Variants in UPP2 observed in about 807,000 individuals in gnomAD.
UPP2 encodes the protein uridine phosphorylase 2.
UPP2 carries 23 observed loss-of-function variants against 26.7 expected under a neutral mutation model. The observed-to-expected ratio is 0.86, with a 90% CI of 0.62 to 1.22. The LOEUF (loss-of-function observed/expected upper bound fraction) is 1.22. UPP2 is among the 50% of genes most tolerant of loss of function. The pLI, the probability that UPP2 is intolerant of heterozygous loss-of-function variation, is 0.00. For missense variants in UPP2, 387 were observed against 396.7 expected, an observed-to-expected ratio of 0.98 and a Z score of 0.21; for synonymous variants, 127 against 141.3, an observed-to-expected ratio of 0.90 and a Z score of 0.72.
intron 3 of UPP2, among the ~76,000 whole-genome samples, chr2:158,059,892 C>A (rs1324464296): frequency 6.6e-6 from 1 of 152,108 alleles, no homozygotes; most frequent in Non-Finnish European, 1.5e-5. Context: ...TTGGTCTTCA[C>A]CACTCATCAA....
intron 2 of UPP2, among the ~76,000 whole-genome samples, chr2:158,011,527 C>A (rs1683579189): frequency 2.6e-5 from 4 of 152,148 alleles, no homozygotes; most frequent in Admixed American, 2.0e-4. Context: ...GGCCACATGA[C>A]CACCCTTTGA....
intron 2 of UPP2, among the ~76,000 whole-genome samples, chr2:157,996,436 T>C (rs1227276327): frequency 6.6e-6 from 1 of 152,220 alleles, no homozygotes; most frequent in African/African-American, 2.4e-5. Flanking sequence ...ATGGCTTTTT[T>C]CCAATCTGAA....
At chr2:158,055,414 C>A (rs1188488771) in intron 3 of UPP2, among the ~76,000 whole-genome samples, 1 of 152,200 alleles carries the variant, frequency 6.6e-6, no homozygotes, top group African/African-American at 2.4e-5. Context: ...TAAGTTTCAA[C>A]CTGAATTTTG....
chr2:158,031,977 C>G (rs988630339), intron 3 of UPP2, among the ~76,000 whole-genome samples: 2 of 152,182 alleles, frequency 1.3e-5, no homozygotes, highest in Non-Finnish European at 2.9e-5. Flanking sequence ...CTTCATACAG[C>G]TGAATATTGT....
intron 3 of UPP2, among the ~76,000 whole-genome samples, chr2:158,115,855 C>G (rs761735358): frequency 6.6e-6 from 1 of 152,212 alleles, no homozygotes; most frequent in Non-Finnish European, 1.5e-5. Flanking sequence ...GGCGTATGTG[C>G]ATAGGCATCC....
intron 3 of UPP2, among the ~76,000 whole-genome samples, chr2:158,038,013 A>T (rs561253234): frequency 3.3e-5 from 5 of 152,280 alleles, no homozygotes; most frequent in Admixed American, 3.3e-4. Context: ...TGTATCCTCA[A>T]TGGGTAGAAG....
At chr2:158,013,085 C>G (rs1683605971) in intron 2 of UPP2, among the ~76,000 whole-genome samples, 1 of 152,082 alleles carries the variant, frequency 6.6e-6, no homozygotes, top group African/African-American at 2.4e-5. Context: ...CTCCTGGCCT[C>G]AAGCAATCCT....
chr2:158,024,564 T>C (rs1198002096), intron 3 of UPP2, among the ~76,000 whole-genome samples: 3 of 152,176 alleles, frequency 2.0e-5, no homozygotes, highest in Admixed American at 1.3e-4. Flanking sequence ...TTATTTTCAA[T>C]GTTAAATGTC....
At chr2:158,054,635 C>A (rs576866282) in intron 3 of UPP2, among the ~76,000 whole-genome samples, 1 of 152,214 alleles carries the variant, frequency 6.6e-6, no homozygotes, top group South Asian at 2.1e-4. Context: ...TAAGGGCTTG[C>A]TGGGAGACTA....
At chr2:158,128,831 G>A (rs1683746680) in intron 6 of UPP2, among the ~76,000 whole-genome samples, 1 of 152,084 alleles carries the variant, frequency 6.6e-6, no homozygotes, top group South Asian at 2.1e-4. Flanking sequence ...CAAACCCTAA[G>A]GGCTGAGCAC....
intron 6 of UPP2, among the ~76,000 whole-genome samples, chr2:158,131,880 A>G (rs981623017): frequency 6.6e-6 from 1 of 152,244 alleles, no homozygotes; most frequent in Non-Finnish European, 1.5e-5. Flanking sequence ...AGGGTCAAGA[A>G]AACACCACTG....
rs201535987 is a variant in UPP2, at chr2:158,057,743, TG to T, written c.147+41858del. Among the ~76,000 whole-genome samples the T allele has an allele frequency of 7.9e-3, 1,079 of 136,310 alleles. 10 individuals are homozygous for T. Among genetic ancestry groups the T allele is most frequent in the East Asian group, 0.036 (137 of 3,840 alleles). The allele number at this position is 136,310 out of a possible 152,430, so 89.4% of individuals were successfully genotyped here. A position where few individuals can be genotyped will look rare whatever the true frequency, so the allele number is the denominator to read the frequency against. ...TCTACAGTTGATTCAGATTCTTTTTTGTTTTTTAACTTCTTTTTTTGTTGTT... is the reference window on the plus strand; with the variant it reads ...TCTACAGTTGATTCAGATTCTTTTTTTTTTTTAACTTCTTTTTTTGTTGTT... On this transcript the variant is annotated intron_variant, in intron 3 of 9. Coordinates refer to the UPP2 transcript ENST00000605860.
At chr2:158,076,821 G>A (rs1682637581) in intron 3 of UPP2, among the ~76,000 whole-genome samples, 1 of 152,126 alleles carries the variant, frequency 6.6e-6, no homozygotes, top group Non-Finnish European at 1.5e-5. Flanking sequence ...CCTAGCTATA[G>A]TGATCAGAGA....
At chr2:158,074,690 T>TACACACACACACACACACAC (rs56277459) in intron 3 of UPP2, among the ~76,000 whole-genome samples, 3 of 135,404 alleles carry the variant, frequency 2.2e-5, no homozygotes, top group Admixed American at 7.5e-5. Flanking sequence ...AAGACCTTCA[T>TACACACACACACACACACAC]ACACACACAC....
rs1181702847 is a variant in UPP2, at chr2:158,129,279, G to A, written c.811+5384G>A. 1.3e-5 allele frequency among the ~76,000 whole-genome samples: 2 copies of A among 152,020 alleles called. 1 individual carries two copies. The highest frequency in any genetic ancestry group is 2.9e-5 in the Non-Finnish European group (2 of 68,016). On this transcript the variant is annotated intron_variant, in intron 6 of 6. Coordinates refer to ENST00000005756, the MANE Select transcript of UPP2 (RefSeq NM_173355.4). ...CCCCCACCTCCAGTAAGTACACAAG[G>A]CTCCATCGTCTACCTATCCTGTAGC...
At chr2:158,018,457 T>TCTC (rs1683694900) in intron 3 of UPP2, among the ~76,000 whole-genome samples, 1 of 152,208 alleles carries the variant, frequency 6.6e-6, no homozygotes, top group African/African-American at 2.4e-5. Flanking sequence ...CTCTTCTCTC[T>TCTC]CTCCTCCTCC....
intron 3 of UPP2, among the ~76,000 whole-genome samples, chr2:158,072,586 G>T (rs931942895): frequency 3.9e-5 from 6 of 152,062 alleles, no homozygotes; most frequent in Admixed American, 3.9e-4. Context: ...GTGGCCACAG[G>T]GCTCCTGGCA....
chr2:158,050,621 G>A (rs967502809), intron 3 of UPP2, among the ~76,000 whole-genome samples: 3 of 152,008 alleles, frequency 2.0e-5, no homozygotes, highest in African/African-American at 7.2e-5. Flanking sequence ...AACATAGCAA[G>A]ACCCTGTCTC....
intron 6 of UPP2, among the ~76,000 whole-genome samples, chr2:158,130,520 G>A (rs150249751): frequency 7.4e-4 from 113 of 151,810 alleles, no homozygotes; most frequent in Middle Eastern, 6.9e-3. Flanking sequence ...AAACATTTGC[G>A]GTTTGTCACA....
Sources: allele counts gnomAD v4.1 joint callset (sites outside exome capture counted in the v4.1 genomes callset), GRCh38; gene constraint gnomAD v4.1.1; transcripts MANE v1.5; gene names NCBI Gene and HGNC (gene_info 2026-07-23, HGNC 2026-07-21).